The following LSP1 variants were observed in gnomAD, a reference collection of about 807,000 sequenced individuals.
LSP1 encodes lymphocyte specific protein 1, also known as lymphocyte-specific protein 1.
LSP1 carries 32 observed loss-of-function variants against 49.3 expected under a neutral mutation model. The ratio of observed to expected loss-of-function variants is 0.65; its 90% CI spans 0.49 to 0.87. LSP1 has a LOEUF of 0.87. LSP1 is among the 40% of genes least tolerant of loss of function. The pLI is 0.00. For missense variants in LSP1, 428 were observed against 442.6 expected (o/e 0.97, Z 0.30); for synonymous variants, 179 against 178.8 (o/e 1.00, Z -0.01).
rs373858328 is a variant in LSP1 at position 1,880,140 on chromosome 11, G to A, written c.107G>A (p.Cys36Tyr). ...GAGGAGGAGGCCGTCCACGAGCAAT[G>A]CCAGCATGAGAGAGACAGGCAGCTT... ...EDEEEAVHEQCQHERDRQLQA... is the reference protein window; with the variant it reads ...EDEEEAVHEQYQHERDRQLQA... The change falls in exon 2 of 11, where the codon TGC becomes TAC. Residue 36 changes from cysteine (C) to tyrosine (Y), a missense_variant. Cys to Tyr is a radical substitution (Grantham distance 194). Coordinates refer to ENST00000311604, the MANE Select transcript of LSP1 (RefSeq NM_002339.3). 7 of 1,608,512 alleles carry A rather than the reference G, an allele frequency of 4.4e-6. No homozygotes were observed. The African/African-American group carries it at 6.7e-5, about 15-fold the overall frequency.
chr11:1,868,652 G>A, intron 1 of LSP1: 1 of 985,758 alleles, frequency 1.0e-6, no homozygotes, highest in Non-Finnish European at 1.2e-6. Context: ...TCCTGAGGGT[G>A]GGGTAGCCCC....
chr11:1,866,501 C>A (rs1174231680), intron 1 of LSP1: 3 of 1,499,800 alleles, frequency 2.0e-6, no homozygotes, highest in South Asian at 2.6e-5. Context: ...CCCCACCTGG[C>A]AGGGTCTCCG....
intron 3 of LSP1, among the ~76,000 whole-genome samples, chr11:1,883,025 C>A (rs1324414227): frequency 6.6e-6 from 1 of 152,238 alleles, no homozygotes; most frequent in Non-Finnish European, 1.5e-5. Context: ...GGGAGCAGAG[C>A]AGGAGTGGTG....
At position 1,879,119 on chromosome 11, in the gene LSP1, C is replaced by A. The variant is rs954290504; in HGVS notation, c.54-968C>A. Among the ~76,000 whole-genome samples the A allele has an allele frequency of 8.5e-5, 13 of 152,194 alleles. No homozygotes were observed. In the East Asian group the frequency reaches 2.1e-3, roughly 25 times the overall value. ...CACCACCTTGGGAGGCTGAGGCGGG[C>A]GGATCACCTGAGGTCGGGAGTTCAG... On this transcript the variant is annotated intron_variant, in intron 1 of 10. Coordinates refer to ENST00000311604, the MANE Select transcript of LSP1 (RefSeq NM_002339.3).
In LSP1 at chr11:1,884,622, T is replaced by A. The variant is rs1167029221; in HGVS notation, c.717+41T>A. ...CCTCTGCTGTCAGGTCCCTCCTGCA[T>A]CCTGGCACCATTCCTTCATCCAACC... On this transcript the variant is annotated intron_variant, in intron 7 of 10. Coordinates refer to ENST00000311604, the MANE Select transcript of LSP1 (RefSeq NM_002339.3). This position sits in a 1 kb window ranked among gnomAD's most constrained non-coding sequence, Gnocchi z 4.1. 15 of 1,548,386 alleles carry A rather than the reference T, an allele frequency of 9.7e-6. No homozygotes were observed. The highest frequency in any genetic ancestry group is 1.2e-5 in the Non-Finnish European group (14 of 1,121,406).
chr11:1,861,755 ATGAG>A, intron 1 of LSP1, among the ~76,000 whole-genome samples: 1 of 144,454 alleles, frequency 6.9e-6, no homozygotes, highest in East Asian at 2.2e-4. Flanking sequence ...GGATGAGTGG[ATGAG>A]TGGATGGGTG....
intron 3 of LSP1, among the ~76,000 whole-genome samples, chr11:1,883,054 C>T (rs545287018): frequency 7.2e-5 from 11 of 152,286 alleles, no homozygotes; most frequent in Non-Finnish European, 1.5e-4. Context: ...AGCCCGGCCT[C>T]GCGGGGACCC....
intron 1 of LSP1, among the ~76,000 whole-genome samples, chr11:1,856,214 A>T (rs1323469234): frequency 6.6e-6 from 1 of 152,048 alleles, no homozygotes; most frequent in Non-Finnish European, 1.5e-5. Flanking sequence ...CCCTACCCCC[A>T]GTCTGTTCCC....
At chr11:1,885,940 A>G (rs1848732398) in intron 7 of LSP1, among the ~76,000 whole-genome samples, 2 of 151,848 alleles carry the variant, frequency 1.3e-5, no homozygotes, top group African/African-American at 2.4e-5. Flanking sequence ...CATGCAATCA[A>G]TGTTCCTCTA....
chr11:1,889,258 C>T (rs571615961), intron 10 of LSP1: 24 of 677,524 alleles, frequency 3.5e-5, no homozygotes, highest in South Asian at 1.7e-4. Context: ...AGCTTCCGGG[C>T]GTTGAAGCGA....
intron 1 of LSP1, chr11:1,871,125 T>C: frequency 4.1e-6 from 4 of 985,458 alleles, no homozygotes; most frequent in Non-Finnish European, 4.8e-6. Context: ...GTCGCCTCGC[T>C]CGTGGCACGG....
intron 4 of LSP1, 112 bp downstream of exon 4, chr11:1,883,672 C>A (rs921270555): frequency 5.0e-5 from 66 of 1,318,266 alleles, no homozygotes; most frequent in Non-Finnish European, 6.6e-5. Context: ...AGTGGGTCAG[C>A]ACCCCACACC....
At chr11:1,889,444 C>G in intron 10 of LSP1, 1 of 650,278 alleles carries the variant, frequency 1.5e-6, no homozygotes, top group Non-Finnish European at 2.8e-6. Flanking sequence ...ACCTCCTGCT[C>G]TGTGGGGGCA....
At chr11:1,871,410 GAGGT>G (rs1848001496) in intron 1 of LSP1, 1 of 986,272 alleles carries the variant, frequency 1.0e-6, no homozygotes, top group African/African-American at 1.7e-5. Flanking sequence ...CACATCAAAA[GAGGT>G]AGGGCACCCA....
intron 2 of LSP1, 56 bp from the exon 3 acceptor site, chr11:1,881,376 C>T: frequency 6.7e-7 from 1 of 1,495,232 alleles, no homozygotes; most frequent in Non-Finnish European, 9.0e-7. Context: ...GAGTGTGGGC[C>T]CTGGGCAGAG....
intron 1 of LSP1, among the ~76,000 whole-genome samples, chr11:1,874,135 G>GGCCGGAGACAGTGGGGGCAC (rs1848200282): frequency 7.2e-6 from 1 of 138,820 alleles, no homozygotes; most frequent in Non-Finnish European, 1.6e-5. Context: ...AGTGGGGGCA[G>GGCCGGAGACAGTGGGGGCAC]GCCGGGGACA....
chr11:1,889,789 C>T, intron 10 of LSP1: 1 of 647,180 alleles, frequency 1.5e-6, no homozygotes, highest in Non-Finnish European at 2.8e-6. Context: ...GGCACCACAA[C>T]CCTGGCACTA....
chr11:1,855,334 G>A (rs1589802777), intron 1 of LSP1, among the ~76,000 whole-genome samples: 1 of 152,182 alleles, frequency 6.6e-6, no homozygotes, highest in South Asian at 2.1e-4. Context: ...AGGCTCAGCT[G>A]GGGCTGGAGC....
At chr11:1,867,056 G>C (rs1347627352) in intron 1 of LSP1, 2 of 821,650 alleles carry the variant, frequency 2.4e-6, no homozygotes, top group Non-Finnish European at 3.7e-6. Context: ...AGGCACTGAA[G>C]CCGCGTGGGC....
Sources: allele counts gnomAD v4.1 joint callset (sites outside exome capture counted in the v4.1 genomes callset), GRCh38; gene constraint gnomAD v4.1.1; non-coding constraint Gnocchi (gnomAD v3.1); transcripts MANE v1.5; gene names NCBI Gene and HGNC (gene_info 2026-07-23, HGNC 2026-07-21).